Variants in RPS6KC1 observed in about 807,000 individuals in gnomAD.
RPS6KC1 encodes the protein inactive ribosomal protein S6 kinase delta-1.
Under a neutral mutation model 103.8 loss-of-function variants are expected in RPS6KC1, and 54 were observed. That is an observed-to-expected ratio of 0.52 (90% CI 0.42 to 0.65). The LOEUF (loss-of-function observed/expected upper bound fraction) is 0.65. Ranked by LOEUF, RPS6KC1 falls within the 30% of genes least tolerant of loss-of-function variation. The probability of loss-of-function intolerance (pLI) is 0.00; values close to 1 mark genes in which losing one functional copy is unlikely to be tolerated. For missense variants in RPS6KC1, 1,151 were observed against 1,253.8 expected (o/e 0.92, Z 1.24); for synonymous variants, 439 against 438.7 (o/e 1.00, Z -0.01).
In RPS6KC1 at chr1:213,240,912, G is replaced by C; in HGVS notation, c.1436G>C (p.Ser479Thr). The C allele has an allele frequency of 1.2e-6, 2 of 1,613,884 alleles. No individual in the cohort carries two copies. The highest frequency in any genetic ancestry group is 1.7e-6 in the Non-Finnish European group (2 of 1,179,898). The change falls in exon 11 of 15, where the codon AGT becomes ACT. Residue 479 changes from serine (S) to threonine (T), a missense_variant. Around this residue, in one of 3 missense-constraint regions of RPS6KC1, gnomAD observed 959 missense variants for 1,006.3 expected, o/e 0.95. Coordinates refer to ENST00000366960, the MANE Select transcript of RPS6KC1 (RefSeq NM_012424.6). Reference protein sequence around the residue: ...ALPLKSSLTPSSQDDSNQEDD... With the variant: ...ALPLKSSLTPTSQDDSNQEDD... ...CCTTTGAAGAGTAGTCTTACTCCAA[G>C]TTCTCAAGATGACAGCAACCAGGAA...
chr1:213,860,102 C>T, the RPS6KC1 span, among the ~76,000 whole-genome samples: 6 of 149,886 alleles, frequency 4.0e-5, no homozygotes, highest in Non-Finnish European at 7.4e-5. Context: ...AATATAGATA[C>T]GTATATATAT....
At chr1:213,830,971 C>T in the RPS6KC1 span, among the ~76,000 whole-genome samples, 1 of 152,172 alleles carries the variant, frequency 6.6e-6, no homozygotes, top group African/African-American at 2.4e-5. Context: ...ACCCCCCTGC[C>T]AGTGGTCCTT....
At chr1:213,793,659 C>A in the RPS6KC1 span, among the ~76,000 whole-genome samples, 4 of 152,140 alleles carry the variant, frequency 2.6e-5, no homozygotes, top group African/African-American at 7.2e-5. Flanking sequence ...CAAGACTAAC[C>A]GGAGGCAAAA....
At chr1:213,684,552 C>T in the RPS6KC1 span, among the ~76,000 whole-genome samples, 1 of 152,192 alleles carries the variant, frequency 6.6e-6, no homozygotes, top group Non-Finnish European at 1.5e-5. Flanking sequence ...TTACACTACT[C>T]CAATTTTCCC....
chr1:213,328,941 G>A, the RPS6KC1 span, among the ~76,000 whole-genome samples: 1 of 152,070 alleles, frequency 6.6e-6, no homozygotes. Context: ...CCCTTTTAAG[G>A]TGCATGTTAT....
the RPS6KC1 span, among the ~76,000 whole-genome samples, chr1:213,786,145 A>G: frequency 6.6e-6 from 1 of 152,178 alleles, no homozygotes; most frequent in Non-Finnish European, 1.5e-5. Flanking sequence ...AGAAAGGTTC[A>G]ATGATGGAAT....
intron 8 of RPS6KC1, among the ~76,000 whole-genome samples, chr1:213,220,200 T>C (rs2093794144): frequency 1.3e-5 from 2 of 152,200 alleles, no homozygotes. Context: ...TACAACAATT[T>C]TTATGGTACA....
At chr1:213,618,073 G>T in the RPS6KC1 span, among the ~76,000 whole-genome samples, 2 of 152,112 alleles carry the variant, frequency 1.3e-5, no homozygotes, top group East Asian at 3.9e-4. Context: ...TGAAAAACTG[G>T]GCCAACTTAA....
At chr1:213,628,992 T>G in the RPS6KC1 span, among the ~76,000 whole-genome samples, 4 of 152,244 alleles carry the variant, frequency 2.6e-5, no homozygotes, top group Non-Finnish European at 5.9e-5. Context: ...TGAGGAGAGC[T>G]TTACTTCCAA....
chr1:213,300,378 G>T, the RPS6KC1 span, among the ~76,000 whole-genome samples: 3 of 152,110 alleles, frequency 2.0e-5, no homozygotes, highest in African/African-American at 7.2e-5. Flanking sequence ...GGGCAAAGAG[G>T]GTAAACTCCA....
At chr1:213,817,705 C>T in the RPS6KC1 span, 3 of 152,210 alleles carry the variant, frequency 2.0e-5, no homozygotes, top group Non-Finnish European at 2.9e-5. Flanking sequence ...CTCCCTGCAT[C>T]TATTTCCTCT....
the RPS6KC1 span, among the ~76,000 whole-genome samples, chr1:213,504,001 AGG>A: frequency 6.6e-6 from 1 of 152,218 alleles, no homozygotes; most frequent in Admixed American, 6.5e-5. Context: ...GTTCATCAAA[AGG>A]GGAATACATA....
At chr1:213,333,630 A>G in the RPS6KC1 span, among the ~76,000 whole-genome samples, 1 of 152,096 alleles carries the variant, frequency 6.6e-6, no homozygotes, top group Non-Finnish European at 1.5e-5. Flanking sequence ...ACATTTCGAT[A>G]ACAAGAAGGG....
chr1:213,857,835 C>T, the RPS6KC1 span, among the ~76,000 whole-genome samples: 2 of 152,308 alleles, frequency 1.3e-5, no homozygotes, highest in East Asian at 3.9e-4. Flanking sequence ...GCTACCTCCT[C>T]GGTGATGTCC....
the RPS6KC1 span, among the ~76,000 whole-genome samples, chr1:213,400,787 A>G: frequency 2.4e-4 from 37 of 151,584 alleles, 1 homozygote; most frequent in African/African-American, 8.3e-4. Context: ...GCTCACTGCA[A>G]GCTCCGCCTT....
chr1:213,189,814 A>G (rs1211728545), intron 8 of RPS6KC1, among the ~76,000 whole-genome samples: 1 of 152,114 alleles, frequency 6.6e-6, no homozygotes, highest in Non-Finnish European at 1.5e-5. Flanking sequence ...GATCCTTTCC[A>G]GCCTCTGGTA....
At chr1:213,065,262 A>ATC (rs889270490) in intron 1 of RPS6KC1, among the ~76,000 whole-genome samples, 8 of 152,164 alleles carry the variant, frequency 5.3e-5, no homozygotes, top group African/African-American at 1.7e-4. Flanking sequence ...GGCTTGAGCC[A>ATC]TCGTGTCTGG....
chr1:213,744,036 C>G, the RPS6KC1 span, among the ~76,000 whole-genome samples: 1 of 151,974 alleles, frequency 6.6e-6, no homozygotes, highest in African/African-American at 2.4e-5. Flanking sequence ...AAATGGAAAA[C>G]CAAATATTGT....
chr1:213,544,016 A>G, the RPS6KC1 span, among the ~76,000 whole-genome samples: 1 of 152,202 alleles, frequency 6.6e-6, no homozygotes, highest in East Asian at 1.9e-4. Flanking sequence ...TATCCAACAA[A>G]ACATCAATGC....
Sources: allele counts gnomAD v4.1 joint callset (sites outside exome capture counted in the v4.1 genomes callset), GRCh38; gene constraint gnomAD v4.1.1; regional missense constraint gnomAD v4.1.1; transcripts MANE v1.5; gene names NCBI Gene and HGNC (gene_info 2026-07-23, HGNC 2026-07-21).